CDH20: variants seen among roughly 807,000 people sequenced by gnomAD.
The protein encoded by CDH20 is cadherin-20.
In CDH20, 29 loss-of-function variants were observed where a neutral mutation model predicts 74.2. The observed-to-expected ratio is 0.39, with a 90% CI of 0.29 to 0.53. CDH20 has a LOEUF of 0.53. Among genes scored for constraint, CDH20 ranks in the 20% least tolerant of loss-of-function variants. The pLI is 0.69. For missense variants in CDH20, 988 were observed against 1,048.3 expected, an observed-to-expected ratio of 0.94 and a Z score of 0.79; for synonymous variants, 469 against 405.4, an observed-to-expected ratio of 1.16 and a Z score of -1.88.
intron 1 of CDH20, among the ~76,000 whole-genome samples, chr18:61,453,277 T>G (rs1211168962): frequency 1.3e-5 from 2 of 149,930 alleles, no homozygotes; most frequent in Admixed American, 6.6e-5. Flanking sequence ...ATCTTTTCTG[T>G]TTTTTTGTTT....
rs545175276 is a variant in CDH20 at position 61,347,285 on chromosome 18, C to T, written c.-153+13458C>T. Among the ~76,000 whole-genome samples, 32 of 85,340 alleles carry T rather than the reference C, an allele frequency of 3.7e-4. 2 individuals carry two copies. Among genetic ancestry groups the T allele is most frequent in the African/African-American group, 1.5e-3 (28 of 19,074 alleles). The allele number at this position is 85,340 out of a possible 152,430, so 56.0% of individuals were successfully genotyped here. Reference sequence around the variant, plus strand: ...CCAACATGGTGAAACCTTGTCTCTGCTAATATATATATATATATATATATA... The same window carrying T: ...CCAACATGGTGAAACCTTGTCTCTGTTAATATATATATATATATATATATA... On this transcript the variant is annotated intron_variant, in intron 1 of 11. Coordinates refer to ENST00000262717, the MANE Select transcript of CDH20 (RefSeq NM_031891.4).
intron 1 of CDH20, among the ~76,000 whole-genome samples, chr18:61,384,881 G>C (rs543007385): frequency 2.6e-5 from 4 of 152,196 alleles, no homozygotes; most frequent in African/African-American, 9.6e-5. Context: ...AATAAATACA[G>C]GGAATTTCAC....
intron 11 of CDH20, among the ~76,000 whole-genome samples, chr18:61,553,935 G>A (rs777526447): frequency 6.6e-6 from 1 of 152,192 alleles, no homozygotes; most frequent in African/African-American, 2.4e-5. Flanking sequence ...CTGATGGTAA[G>A]CGACTATAGG....
At chr18:61,436,386 G>A (rs1326392749) in intron 1 of CDH20, among the ~76,000 whole-genome samples, 1 of 152,182 alleles carries the variant, frequency 6.6e-6, no homozygotes, top group African/African-American at 2.4e-5. Flanking sequence ...GTGCATGAGG[G>A]TTCCAACTTC....
chr18:61,406,532 T>G (rs1364298517), intron 1 of CDH20, among the ~76,000 whole-genome samples: 1 of 152,172 alleles, frequency 6.6e-6, no homozygotes, highest in Non-Finnish European at 1.5e-5. Flanking sequence ...CAGAACACTA[T>G]AAATAAATCA....
chr18:61,467,661 A>C (rs1192761026), intron 1 of CDH20, among the ~76,000 whole-genome samples: 1 of 152,242 alleles, frequency 6.6e-6, no homozygotes, highest in East Asian at 1.9e-4. Context: ...ACTTTTGGAA[A>C]GACAAACTTT....
At chr18:61,411,997 T>C (rs1318682256) in intron 1 of CDH20, among the ~76,000 whole-genome samples, 4 of 150,914 alleles carry the variant, frequency 2.7e-5, no homozygotes, top group South Asian at 2.1e-4. Context: ...CAAAAACCTA[T>C]GGAAATAAAA....
chr18:61,507,002 G>A (rs603137), intron 5 of CDH20, among the ~76,000 whole-genome samples: 127,700 of 152,174 alleles, frequency 0.84, 53,707 homozygotes, highest in South Asian at 0.88. Context: ...TGTGACCACA[G>A]TGTTTATCAC....
chr18:61,437,428 T>C lies in CDH20; in HGVS notation c.-152-52974T>C, dbSNP rs1372389231. ...TAAAATATTATTGGCCCTGTGTGCT[T>C]ACTGTATAATATATGGAACTTAAAT... On this transcript the variant is annotated intron_variant, in intron 1 of 11. Transcript: ENST00000262717. 7.2e-5 allele frequency among the ~76,000 whole-genome samples: 11 copies of C among 152,202 alleles called. No homozygotes were observed. In the South Asian group the frequency reaches 2.1e-3, roughly 29 times the overall value.
chr18:61,350,761 G>A (rs575919187), intron 1 of CDH20, among the ~76,000 whole-genome samples: 1 of 152,284 alleles, frequency 6.6e-6, no homozygotes, highest in African/African-American at 2.4e-5. Flanking sequence ...AATTTGGGCT[G>A]CTTCCATCTG....
At chr18:61,487,363 C>A (rs992035653) in intron 1 of CDH20, among the ~76,000 whole-genome samples, 2 of 152,124 alleles carry the variant, frequency 1.3e-5, no homozygotes, top group Admixed American at 1.3e-4. Flanking sequence ...GTAAAAAACA[C>A]CTCTAATTGT....
At chr18:61,451,619 T>C (rs1909389403) in intron 1 of CDH20, among the ~76,000 whole-genome samples, 1 of 151,916 alleles carries the variant, frequency 6.6e-6, no homozygotes, top group African/African-American at 2.4e-5. Flanking sequence ...TATACAAGGG[T>C]GAGAAATAGT....
At chr18:61,527,148 C>A (rs8083669) in intron 6 of CDH20, among the ~76,000 whole-genome samples, 18,092 of 152,084 alleles carry the variant, frequency 0.12, 1,376 homozygotes, top group African/African-American at 0.21. Flanking sequence ...CTGTTGCATT[C>A]TAGCCTGGGT....
At chr18:61,447,797 G>C (rs1202892095) in intron 1 of CDH20, among the ~76,000 whole-genome samples, 1 of 152,042 alleles carries the variant, frequency 6.6e-6, no homozygotes, top group South Asian at 2.1e-4. Context: ...GTCTGAATCC[G>C]TGTTGCCGAC....
rs543081093 is a variant in CDH20, at chr18:61,390,256, G to A, written c.-153+56429G>A. On this transcript the variant is annotated intron_variant, in intron 1 of 11. Transcript: ENST00000262717. ...TGAATAAATCATCTAGAACCATATA[G>A]TGATTTAGTGAAATACATAATATAC... 2.6e-5 allele frequency among the ~76,000 whole-genome samples: 4 copies of A among 152,308 alleles called. No individual in the cohort carries two copies. The East Asian group carries it at 7.7e-4, about 29-fold the overall frequency.
At chr18:61,454,154 G>C (rs908260605) in intron 1 of CDH20, among the ~76,000 whole-genome samples, 1 of 152,100 alleles carries the variant, frequency 6.6e-6, no homozygotes, top group African/African-American at 2.4e-5. Flanking sequence ...TAATTAGATT[G>C]TTTGCTTTTT....
intron 1 of CDH20, among the ~76,000 whole-genome samples, chr18:61,466,305 AAACT>A (rs1909960410): frequency 6.6e-6 from 1 of 152,206 alleles, no homozygotes; most frequent in South Asian, 2.1e-4. Context: ...TTTACAATAG[AAACT>A]TACTATTTTA....
chr18:61,476,058 A>C (rs1910369885), intron 1 of CDH20, among the ~76,000 whole-genome samples: 1 of 151,956 alleles, frequency 6.6e-6, no homozygotes, highest in Non-Finnish European at 1.5e-5. Flanking sequence ...GGCAGAGTGC[A>C]TTTTCTAAAG....
chr18:61,474,613 T>C (rs1407243831), intron 1 of CDH20, among the ~76,000 whole-genome samples: 2 of 152,206 alleles, frequency 1.3e-5, no homozygotes, highest in African/African-American at 4.8e-5. Context: ...GAATGTTATA[T>C]TGCTGAATCG....
Sources: allele counts gnomAD v4.1 joint callset (sites outside exome capture counted in the v4.1 genomes callset), GRCh38; gene constraint gnomAD v4.1.1; transcripts MANE v1.5; gene names NCBI Gene and HGNC (gene_info 2026-07-23, HGNC 2026-07-21).